SNX25: variants seen among roughly 807,000 people sequenced by gnomAD.
The protein encoded by SNX25 is sorting nexin-25.
SNX25 carries 62 observed loss-of-function variants against 113.7 expected under a neutral mutation model. That is an observed-to-expected ratio of 0.55 (90% CI 0.44 to 0.67). The LOEUF (loss-of-function observed/expected upper bound fraction) is 0.67, where lower values mean the gene tolerates loss of function less well. SNX25 is among the 30% of genes least tolerant of loss of function. The pLI is 0.00. For synonymous variants in SNX25, 421 were observed against 436.2 expected (o/e 0.97, Z 0.43); for missense variants, 1,014 against 1,161.0 (o/e 0.87, Z 1.84).
chr4:185,375,487 A>AATATGT, the SNX25 span: 3 of 12,012 alleles, frequency 2.5e-4, no homozygotes, highest in South Asian at 5.6e-3. Context: ...AAAAAAAAAA[A>AATATGT]ATATATATAT....
chr4:185,329,166 T>C (rs1452634926), intron 9 of SNX25, among the ~76,000 whole-genome samples: 2 of 152,202 alleles, frequency 1.3e-5, no homozygotes, highest in Non-Finnish European at 2.9e-5. Flanking sequence ...GTTGTCAAGG[T>C]CCCTGAGAAT....
intron 6 of SNX25, among the ~76,000 whole-genome samples, chr4:185,291,589 C>T (rs1308156100): frequency 6.6e-6 from 1 of 152,332 alleles, no homozygotes; most frequent in African/African-American, 2.4e-5. Flanking sequence ...AAGGCTTTGG[C>T]AGGGCCACGC....
At chr4:185,267,222 A>T in intron 5 of SNX25, 67 bp downstream of exon 5, 4 of 1,243,544 alleles carry the variant, frequency 3.2e-6, no homozygotes, top group Non-Finnish European at 2.2e-6. Flanking sequence ...GTTAGGTTAA[A>T]AAAAAAAAAA....
intron 6 of SNX25, among the ~76,000 whole-genome samples, chr4:185,298,248 C>G (rs147369176): frequency 6.6e-6 from 1 of 151,910 alleles, no homozygotes; most frequent in Non-Finnish European, 1.5e-5. Flanking sequence ...ACCACCACAC[C>G]GGGCTAATTT....
intron 2 of SNX25, among the ~76,000 whole-genome samples, chr4:185,254,258 C>G (rs962702879): frequency 1.3e-5 from 2 of 152,080 alleles, no homozygotes; most frequent in Admixed American, 1.3e-4. Flanking sequence ...CCAAATCTTT[C>G]CAGAAGATAA....
At chr4:185,272,004 G>T (rs1748999578) in intron 5 of SNX25, among the ~76,000 whole-genome samples, 1 of 152,212 alleles carries the variant, frequency 6.6e-6, no homozygotes, top group Admixed American at 6.5e-5. Context: ...AAAGTAAGTT[G>T]TATATTCCAC....
chr4:185,268,419 T>C lies in SNX25; in HGVS notation c.1091+1264T>C, dbSNP rs1384205541. ...TTTAGGGGGTGTGTATTTTTGTGTA[T>C]TTTTAATAGTATATACACATTTAGT... On this transcript the variant is annotated intron_variant, in intron 5 of 18. Transcript: ENST00000652585. 2.0e-5 allele frequency among the ~76,000 whole-genome samples: 3 copies of C among 152,312 alleles called. No individual in the cohort carries two copies. The East Asian group carries it at 5.8e-4, about 29-fold the overall frequency.
In SNX25 at chr4:185,267,092, C is replaced by T; in HGVS notation, c.1028C>T (p.Ser343Phe). Reference sequence around the variant, plus strand: ...AAGAGAGCCTACACCTATGCCCCCTCTTACGAGGACTTCATCAAGCTCATT... The same window carrying T: ...AAGAGAGCCTACACCTATGCCCCCTTTTACGAGGACTTCATCAAGCTCATT... The part of the protein sequence containing the change: ...HHKRAYTYAP[S>F]YEDFIKLINS... Residue 343 changes from serine (S) to phenylalanine (F), a missense_variant, in exon 5 of 19, where the codon TCT becomes TTT. Transcript: ENST00000652585. 3 of 1,613,968 alleles carry T rather than the reference C, an allele frequency of 1.9e-6. No homozygotes were observed. The highest frequency in any genetic ancestry group is 2.5e-6 in the Non-Finnish European group (3 of 1,179,964).
At chr4:185,208,725 A>C (rs1254506470), upstream of SNX25, among the ~76,000 whole-genome samples, 2 of 149,836 alleles carry the variant, frequency 1.3e-5, no homozygotes, top group African/African-American at 4.9e-5. Flanking sequence ...CTCCGTCTCA[A>C]AAAAAAAGAA....
intron 13 of SNX25, among the ~76,000 whole-genome samples, chr4:185,350,535 C>T (rs2095309917): frequency 1.3e-5 from 2 of 152,278 alleles, no homozygotes; most frequent in South Asian, 4.1e-4. Flanking sequence ...ACATACAGAA[C>T]TTTGGGAACT....
downstream of SNX25, among the ~76,000 whole-genome samples, chr4:185,370,487 A>G (rs761679936): frequency 1.9e-4 from 29 of 152,202 alleles, no homozygotes; most frequent in Non-Finnish European, 3.7e-4. Flanking sequence ...ATTGTCTGCA[A>G]ACAATCTGCA....
At chr4:185,364,382 C>A (rs955182735), downstream of SNX25, 2 of 152,104 alleles carry the variant, frequency 1.3e-5, no homozygotes, top group African/African-American at 4.8e-5. Flanking sequence ...ACTTAATTTT[C>A]CTGGGTTTCA....
At chr4:185,332,305 C>T (rs1482600476) in intron 9 of SNX25, among the ~76,000 whole-genome samples, 1 of 152,134 alleles carries the variant, frequency 6.6e-6, no homozygotes, top group Non-Finnish European at 1.5e-5. Context: ...GTTGCCGTCC[C>T]TTGTTCTATG....
chr4:185,297,347 C>G (rs903030484), intron 6 of SNX25, among the ~76,000 whole-genome samples: 1 of 152,162 alleles, frequency 6.6e-6, no homozygotes, highest in Non-Finnish European at 1.5e-5. Flanking sequence ...TAGCACTGCC[C>G]TACTCTAATC....
At chr4:185,326,545 A>G (rs906783571) in intron 9 of SNX25, among the ~76,000 whole-genome samples, 1 of 152,212 alleles carries the variant, frequency 6.6e-6, no homozygotes, top group Non-Finnish European at 1.5e-5. Context: ...TAATTTTAAC[A>G]TAACAATTAT....
rs1483597964 is a variant in SNX25, at chr4:185,255,740, C to T, written c.515-3108C>T. On this transcript the variant is annotated intron_variant, in intron 2 of 18. Coordinates refer to ENST00000652585, the MANE Select transcript of SNX25 (RefSeq NM_001378034.2). ...TGTGCTGAGTAGAAAGAGTGATTGGCAGGTAGGAGTCTTGACTTTGCTACC... is the reference window on the plus strand; with the variant it reads ...TGTGCTGAGTAGAAAGAGTGATTGGTAGGTAGGAGTCTTGACTTTGCTACC... Among the ~76,000 whole-genome samples the T allele has an allele frequency of 2.6e-5, 4 of 152,296 alleles. No individual in the cohort carries two copies. In the South Asian group the frequency reaches 8.3e-4, roughly 32 times the overall value.
chr4:185,241,462 C>CGTG (rs1328894018), intron 1 of SNX25, among the ~76,000 whole-genome samples: 5 of 113,108 alleles, frequency 4.4e-5, no homozygotes, highest in African/African-American at 1.1e-4. Flanking sequence ...TCGGGGAGAC[C>CGTG]GTGGAAAGAG....
At chr4:185,375,487 A>AATATATATATATATATGT in the SNX25 span, 1 of 12,010 alleles carries the variant, frequency 8.3e-5, no homozygotes, top group Non-Finnish European at 1.5e-4. Flanking sequence ...AAAAAAAAAA[A>AATATATATATATATATGT]ATATATATAT....
At chr4:185,274,082 A>G (rs1355809963) in intron 5 of SNX25, among the ~76,000 whole-genome samples, 5 of 147,266 alleles carry the variant, frequency 3.4e-5, no homozygotes, top group Non-Finnish European at 7.5e-5. Context: ...TTTTTTTGAG[A>G]TGGAGTCTCA....
Sources: gnomAD v4.1 joint callset for allele counts (sites outside exome capture counted in the v4.1 genomes callset) on GRCh38, gnomAD v4.1.1 for gene constraint, MANE v1.5 for transcripts, NCBI Gene and HGNC (gene_info 2026-07-23, HGNC 2026-07-21) for gene names.